ASCC3: variants seen among roughly 807,000 people sequenced by gnomAD.
ASCC3 encodes ASC-1 complex subunit P200.
Under a neutral mutation model 256.3 loss-of-function variants are expected in ASCC3, and 158 were observed. The ratio of observed to expected loss-of-function variants is 0.62; its 90% CI spans 0.54 to 0.70. The LOEUF (loss-of-function observed/expected upper bound fraction) is 0.70. ASCC3 is among the 30% of genes least tolerant of loss of function. The pLI is 0.00. For missense variants in ASCC3, 2,259 were observed against 2,626.0 expected (o/e 0.86, Z 3.05); for synonymous variants, 948 against 883.4 (o/e 1.07, Z -1.30).
chr6:100,577,742 C>CCACACACA (rs139409330), intron 36 of ASCC3, among the ~76,000 whole-genome samples: 2,178 of 149,538 alleles, frequency 0.015, 41 homozygotes, highest in African/African-American at 0.051. Context: ...ACCCACCCAC[C>CCACACACA]CACACACACA....
At chr6:100,878,028 T>C (rs191624556) in intron 1 of ASCC3, among the ~76,000 whole-genome samples, 19 of 152,346 alleles carry the variant, frequency 1.2e-4, no homozygotes, top group Non-Finnish European at 2.4e-4. Flanking sequence ...CAGCATGTTA[T>C]GCCAACTTGA....
chr6:100,650,425 GTGGTT>G, intron 20 of ASCC3, 108 bp downstream of exon 20: 4 of 1,037,616 alleles, frequency 3.9e-6, no homozygotes, highest in Non-Finnish European at 6.0e-6. Flanking sequence ...AAGTAAAATG[GTGGTT>G]TGGTAGCATG....
At chr6:100,867,364 T>C (rs918796124) in intron 2 of ASCC3, among the ~76,000 whole-genome samples, 1 of 152,226 alleles carries the variant, frequency 6.6e-6, no homozygotes, top group Non-Finnish European at 1.5e-5. Context: ...CTAAAATGTA[T>C]TTCTGAAGTT....
At chr6:100,602,883 A>C (rs1016434713) in intron 33 of ASCC3, among the ~76,000 whole-genome samples, 12 of 152,136 alleles carry the variant, frequency 7.9e-5, no homozygotes, top group Non-Finnish European at 1.6e-4. Flanking sequence ...TATTAAAAAT[A>C]GTTTTTGCAA....
intron 36 of ASCC3, among the ~76,000 whole-genome samples, chr6:100,586,408 T>G (rs1161716029): frequency 6.6e-6 from 1 of 152,206 alleles, no homozygotes; most frequent in Non-Finnish European, 1.5e-5. Flanking sequence ...TATAATCTCC[T>G]GATGCGCCAT....
rs1774818164 is a variant in ASCC3, at chr6:100,530,565, C to T, written c.5775+9598G>A. On this transcript the variant is annotated intron_variant, in intron 37 of 41. Coordinates refer to ENST00000369162, the MANE Select transcript of ASCC3 (RefSeq NM_006828.4). ...GTTCTGTGATGGCCTGGCACTCAAT[C>T]CAGCCAGCATTAGTGTGTTGATTAT... is the stretch of plus-strand genomic sequence containing the variant. 28 of 785,664 alleles carry T rather than the reference C, an allele frequency of 3.6e-5. No individual in the cohort carries two copies. In the South Asian group the frequency reaches 3.8e-4, roughly 11 times the overall value. The allele number at this position is 785,664 out of a possible 1,614,324, so 48.7% of individuals were successfully genotyped here.
intron 10 of ASCC3, among the ~76,000 whole-genome samples, chr6:100,737,417 C>T (rs944346271): frequency 3.9e-5 from 6 of 152,030 alleles, no homozygotes; most frequent in African/African-American, 9.7e-5. Context: ...GTGTGTTGTT[C>T]CCCTACCTGT....
At chr6:100,771,761 T>G (rs1781934206) in intron 8 of ASCC3, among the ~76,000 whole-genome samples, 1 of 131,920 alleles carries the variant, frequency 7.6e-6, no homozygotes, top group Non-Finnish European at 1.6e-5. Flanking sequence ...TTTAATAATT[T>G]AATTTTTTTA....
At chr6:100,600,405 T>C (rs1772545447) in intron 34 of ASCC3, among the ~76,000 whole-genome samples, 1 of 152,148 alleles carries the variant, frequency 6.6e-6, no homozygotes, top group Non-Finnish European at 1.5e-5. Flanking sequence ...ATGATTCTAA[T>C]CCTGTAATGT....
intron 10 of ASCC3, among the ~76,000 whole-genome samples, chr6:100,744,370 C>G (rs1780571766): frequency 6.6e-6 from 1 of 152,064 alleles, no homozygotes; most frequent in Non-Finnish European, 1.5e-5. Flanking sequence ...GTACAATCAA[C>G]ATAGTAACAA....
intron 14 of ASCC3, among the ~76,000 whole-genome samples, chr6:100,664,975 T>G (rs1253149087): frequency 1.3e-5 from 2 of 152,216 alleles, no homozygotes; most frequent in Non-Finnish European, 2.9e-5. Flanking sequence ...TGTTCTGCTG[T>G]CCTTCTTACA....
At chr6:100,558,014 C>A (rs1487144466) in intron 36 of ASCC3, among the ~76,000 whole-genome samples, 1 of 149,440 alleles carries the variant, frequency 6.7e-6, no homozygotes, top group Non-Finnish European at 1.5e-5. Flanking sequence ...TTCAAGTATA[C>A]TTTATTGTCT....
Position 100,543,708 on chromosome 6 carries a change from G to GA in ASCC3, c.5551-3322dup, listed in dbSNP as rs759765129. On this transcript the variant is annotated intron_variant, in intron 36 of 41. Coordinates refer to ENST00000369162, the MANE Select transcript of ASCC3 (RefSeq NM_006828.4). ...CCTGAATAACAGCTTCAAAATCCAT[G>GA]AAAAAAAACTTGTAGAAGTACATGG... Among the ~76,000 whole-genome samples, 136 of 151,354 alleles carry GA rather than the reference G, an allele frequency of 9.0e-4. 4 individuals carry two copies. Among genetic ancestry groups the GA allele is most frequent in the East Asian group, 2.1e-3 (11 of 5,172 alleles).
intron 8 of ASCC3, among the ~76,000 whole-genome samples, chr6:100,790,210 T>C (rs2114299256): frequency 6.6e-6 from 1 of 152,112 alleles, no homozygotes; most frequent in Non-Finnish European, 1.5e-5. Context: ...TGCTAACTCA[T>C]GTAATCATCA....
chr6:100,523,500 C>T (rs1358048847), intron 37 of ASCC3, among the ~76,000 whole-genome samples: 1 of 152,074 alleles, frequency 6.6e-6, no homozygotes, highest in Non-Finnish European at 1.5e-5. Flanking sequence ...TGGGCAAGAA[C>T]TCATAGAAAA....
intron 36 of ASCC3, among the ~76,000 whole-genome samples, chr6:100,566,945 T>A (rs1201321544): frequency 5.9e-5 from 9 of 152,138 alleles, no homozygotes. Flanking sequence ...TGAAGATGCC[T>A]AGGATCTCCA....
chr6:100,606,315 T>C (rs906206581), intron 32 of ASCC3, among the ~76,000 whole-genome samples: 7 of 152,124 alleles, frequency 4.6e-5, no homozygotes, highest in African/African-American at 1.4e-4. Context: ...AGAGTCTTCA[T>C]GCATAAGTTG....
intron 2 of ASCC3, 106 bp downstream of exon 2, chr6:100,867,801 TA>T (rs1773549802): frequency 2.0e-6 from 2 of 998,982 alleles, no homozygotes; most frequent in East Asian, 5.2e-5. Context: ...CCAAACAAGA[TA>T]AAACTTCCAT....
chr6:100,664,571 G>C (rs1160695542), intron 14 of ASCC3, among the ~76,000 whole-genome samples: 1 of 151,972 alleles, frequency 6.6e-6, no homozygotes. Context: ...AGTTTCAAGG[G>C]GGGTGTATTC....
Sources: allele counts gnomAD v4.1 joint callset (sites outside exome capture counted in the v4.1 genomes callset), GRCh38; gene constraint gnomAD v4.1.1; transcripts MANE v1.5; gene names NCBI Gene and HGNC (gene_info 2026-07-23, HGNC 2026-07-21).